The following ZHX2 variants were observed in gnomAD, a reference collection of about 807,000 sequenced individuals.
The protein encoded by ZHX2 is zinc fingers and homeoboxes 2, also known as zinc fingers and homeoboxes protein 2.
A neutral mutation model predicts 21.9 loss-of-function variants in ZHX2; 6 were observed. The observed-to-expected ratio is 0.27, with a 90% confidence interval of 0.15 to 0.54. The LOEUF (loss-of-function observed/expected upper bound fraction) is 0.54, where lower values mean the gene tolerates loss of function less well. Among genes scored for constraint, ZHX2 ranks in the 20% least tolerant of loss-of-function variants. The pLI, the probability that ZHX2 is intolerant of heterozygous loss-of-function variation, is 0.95. For synonymous variants in ZHX2, 434 were observed against 437.1 expected (o/e 0.99, Z 0.09); for missense variants, 908 against 1,090.7 (o/e 0.83, Z 2.36).
chr8:122,968,641 C>T (rs886417702), intron 3 of ZHX2, among the ~76,000 whole-genome samples: 3 of 152,066 alleles, frequency 2.0e-5, no homozygotes, highest in Non-Finnish European at 2.9e-5. Flanking sequence ...AAGTTCAAGA[C>T]CAGCCTGGCC....
intron 1 of ZHX2, among the ~76,000 whole-genome samples, chr8:122,853,916 C>G (rs1468069440): frequency 6.6e-6 from 1 of 152,150 alleles, no homozygotes; most frequent in African/African-American, 2.4e-5. Flanking sequence ...TCTGATGACT[C>G]TTTTTTTAAC....
At chr8:122,909,196 C>T (rs9969658) in intron 2 of ZHX2, among the ~76,000 whole-genome samples, 1,905 of 152,130 alleles carry the variant, frequency 0.013, 37 homozygotes, top group African/African-American at 0.043. Context: ...TTTGGGAGAT[C>T]GAGGTGGGTG....
chr8:122,856,975 T>G (rs1819040279), intron 1 of ZHX2, among the ~76,000 whole-genome samples: 1 of 152,064 alleles, frequency 6.6e-6, no homozygotes, highest in African/African-American at 2.4e-5. Context: ...TTCTCTGGCC[T>G]TCTCGGCTCC....
Position 122,954,048 on chromosome 8 carries a change from C to G in ZHX2, c.*4+20C>G, listed in dbSNP as rs1175578591. 7 of 1,555,614 alleles carry G rather than the reference C, an allele frequency of 4.5e-6. No individual in the cohort carries two copies. Among genetic ancestry groups the G allele is most frequent in the Non-Finnish European group, 6.1e-6 (7 of 1,149,184 alleles). ...AGACAGGTAATTCCACCTGCTCACC[C>G]AGGCAGCAGGGGAGAACGCAGCTTG... On this transcript the variant is annotated intron_variant, in intron 3 of 3. Coordinates refer to ENST00000314393, the MANE Select transcript of ZHX2 (RefSeq NM_014943.5).
At chr8:122,834,006 AAAG>A (rs1818444241) in intron 1 of ZHX2, among the ~76,000 whole-genome samples, 1 of 151,708 alleles carries the variant, frequency 6.6e-6, no homozygotes, top group African/African-American at 2.4e-5. Flanking sequence ...CAAAAAAAAA[AAAG>A]AGTGAGTGAA....
chr8:122,851,253 T>A (rs575691083), intron 1 of ZHX2, among the ~76,000 whole-genome samples: 2 of 152,312 alleles, frequency 1.3e-5, no homozygotes, highest in Non-Finnish European at 2.9e-5. Context: ...ATTTGTAGGA[T>A]GTTGGCCTGT....
intron 1 of ZHX2, among the ~76,000 whole-genome samples, chr8:122,794,787 T>G (rs996508767): frequency 6.6e-6 from 1 of 152,122 alleles, no homozygotes; most frequent in African/African-American, 2.4e-5. Context: ...AAATGCACTG[T>G]CCTCTCTCCC....
chr8:122,833,441 A>G (rs1818421967), intron 1 of ZHX2, among the ~76,000 whole-genome samples: 1 of 152,194 alleles, frequency 6.6e-6, no homozygotes, highest in Non-Finnish European at 1.5e-5. Context: ...GCTCTTTAAC[A>G]GTAATGCGGA....
intron 1 of ZHX2, among the ~76,000 whole-genome samples, chr8:122,825,023 T>C (rs947774009): frequency 6.6e-6 from 1 of 152,220 alleles, no homozygotes; most frequent in Non-Finnish European, 1.5e-5. Flanking sequence ...AAGACCCTTG[T>C]GATCACATTG....
chr8:122,890,664 A>G (rs1819955598), intron 2 of ZHX2, among the ~76,000 whole-genome samples: 1 of 152,150 alleles, frequency 6.6e-6, no homozygotes, highest in African/African-American at 2.4e-5. Flanking sequence ...TTCATTGTAC[A>G]GATCTTTCAC....
chr8:122,914,814 T>C (rs1015930408), intron 2 of ZHX2, among the ~76,000 whole-genome samples: 4 of 152,218 alleles, frequency 2.6e-5, no homozygotes, highest in Non-Finnish European at 2.9e-5. Flanking sequence ...GTATCTGTAA[T>C]TGAGTCGTTC....
chr8:122,800,924 A>G (rs909480254), intron 1 of ZHX2, among the ~76,000 whole-genome samples: 4 of 152,262 alleles, frequency 2.6e-5, no homozygotes, highest in African/African-American at 9.6e-5. Context: ...ACAAAAACAT[A>G]CAAACACACA....
rs1586424368 is a variant in ZHX2, at chr8:122,956,421, G to A, written c.*4+2393G>A. Among the ~76,000 whole-genome samples, 3 of 152,270 alleles carry A rather than the reference G, an allele frequency of 2.0e-5. No individual in the cohort carries two copies. The South Asian group carries it at 6.2e-4, about 32-fold the overall frequency. ...TGTGATATGTGTTACGATGGGGAAG[G>A]GCACGGCTCTGGGTCAGGGCTCAGA... On this transcript the variant is annotated intron_variant, in intron 3 of 3. Transcript: ENST00000314393.
chr8:122,972,985 A>C (rs577933414), intron 3 of ZHX2, among the ~76,000 whole-genome samples: 117 of 152,290 alleles, frequency 7.7e-4, no homozygotes, highest in Admixed American at 4.4e-3. Flanking sequence ...CTTGCCCAGA[A>C]AGTCACTCTG....
chr8:122,962,460 C>A (rs1343001453), intron 3 of ZHX2, among the ~76,000 whole-genome samples: 2 of 152,184 alleles, frequency 1.3e-5, no homozygotes, highest in Non-Finnish European at 2.9e-5. Flanking sequence ...TTATTTCATT[C>A]CTTTTTATGG....
intron 2 of ZHX2, among the ~76,000 whole-genome samples, chr8:122,942,656 C>T (rs981861511): frequency 1.3e-5 from 2 of 152,148 alleles, no homozygotes; most frequent in Admixed American, 1.3e-4. Context: ...TCACCTCCCC[C>T]AGATGCATCC....
chr8:122,925,971 G>A (rs143413635), intron 2 of ZHX2, among the ~76,000 whole-genome samples: 3 of 152,216 alleles, frequency 2.0e-5, no homozygotes, highest in East Asian at 3.9e-4. Context: ...TTCTGGTGAC[G>A]GCTTAAGTGA....
intron 3 of ZHX2, among the ~76,000 whole-genome samples, chr8:122,971,621 A>ATAAAAAATAAAAAATAAAAAATT (rs1263184576): frequency 2.1e-5 from 3 of 139,894 alleles, no homozygotes; most frequent in East Asian, 2.1e-4. Flanking sequence ...CAAAAAAAAA[A>ATAAAAAATAAAAAATAAAAAATT]AAAAAAAAAA....
chr8:122,829,988 AG>A (rs1489209651), intron 1 of ZHX2, among the ~76,000 whole-genome samples: 2 of 152,184 alleles, frequency 1.3e-5, no homozygotes, highest in Non-Finnish European at 2.9e-5. Context: ...ATATTGTCAG[AG>A]CTATTTGAAC....
Sources: allele counts gnomAD v4.1 joint callset (sites outside exome capture counted in the v4.1 genomes callset), GRCh38; gene constraint gnomAD v4.1.1; transcripts MANE v1.5; gene names NCBI Gene and HGNC (gene_info 2026-07-23, HGNC 2026-07-21).